The following EYA4 variants were observed in gnomAD, a reference collection of about 807,000 sequenced individuals.
The protein encoded by EYA4 is EYA transcriptional coactivator and phosphatase 4.
A neutral mutation model predicts 87.9 loss-of-function variants in EYA4; 31 were observed. The observed-to-expected ratio is 0.35, with a 90% CI of 0.27 to 0.48. The LOEUF (loss-of-function observed/expected upper bound fraction) is 0.48, where lower values mean the gene tolerates loss of function less well. Among genes scored for constraint, EYA4 ranks in the 20% least tolerant of loss-of-function variants. EYA4 has a pLI of 0.99. For synonymous variants in EYA4, 263 were observed against 270.6 expected (o/e 0.97, Z 0.28); for missense variants, 678 against 761.4 (o/e 0.89, Z 1.29).
chr6:133,268,916 C>T (rs758751816), intron 1 of EYA4, among the ~76,000 whole-genome samples: 7 of 152,076 alleles, frequency 4.6e-5, no homozygotes, highest in Non-Finnish European at 8.8e-5. Context: ...AACACAAAAA[C>T]ACCACCGTAA....
intron 1 of EYA4, among the ~76,000 whole-genome samples, chr6:133,251,036 G>A (rs770394060): frequency 2.1e-4 from 32 of 152,176 alleles, no homozygotes; most frequent in Non-Finnish European, 4.6e-4. Context: ...ATCTGAGGTT[G>A]TATTTGGAGC....
At chr6:133,408,401 A>T (rs1788915216) in intron 3 of EYA4, among the ~76,000 whole-genome samples, 1 of 152,190 alleles carries the variant, frequency 6.6e-6, no homozygotes, top group Non-Finnish European at 1.5e-5. Flanking sequence ...TGAATGATTT[A>T]TGTAGAGGTT....
intron 3 of EYA4, among the ~76,000 whole-genome samples, chr6:133,420,585 G>A (rs542499931): frequency 1.3e-5 from 2 of 152,330 alleles, no homozygotes; most frequent in East Asian, 3.9e-4. Flanking sequence ...TAGACTTAAA[G>A]TAAGACTCTG....
chr6:133,268,842 C>G (rs1776445985), intron 1 of EYA4, among the ~76,000 whole-genome samples: 1 of 151,524 alleles, frequency 6.6e-6, no homozygotes. Context: ...GGCGTGTGAG[C>G]TAAGAGGCAA....
At chr6:133,394,282 G>GTATTTTTTTTTTTTTTTTTTTTTT (rs1562368948) in intron 3 of EYA4, among the ~76,000 whole-genome samples, 1 of 107,846 alleles carries the variant, frequency 9.3e-6, no homozygotes, top group African/African-American at 4.8e-5. Context: ...ATATAAGCTT[G>GTATTTTTTTTTTTTTTTTTTTTTT]TGTTTTTTTT....
At position 133,394,300 on chromosome 6, in the gene EYA4, T is replaced by A. The variant is rs1349498821; in HGVS notation, c.83+11859T>A. On this transcript the variant is annotated intron_variant, in intron 3 of 19. Coordinates refer to ENST00000355286, the MANE Select transcript of EYA4 (RefSeq NM_004100.5). ...TAAGCTTGTGTTTTTTTTTTTTTTT[T>A]TTTTTTTTTTTTTTTTTTGGTCATC... 8.8e-3 allele frequency among the ~76,000 whole-genome samples: 1,259 copies of A among 143,448 alleles called. 46 individuals are homozygous for A. Among genetic ancestry groups the A allele is most frequent in the African/African-American group, 0.031 (1,167 of 37,922 alleles). 94.1% of individuals were successfully genotyped at this position (143,448 alleles called of 152,430 possible).
chr6:133,445,906 A>C (rs1792786080), intron 3 of EYA4, among the ~76,000 whole-genome samples: 1 of 152,174 alleles, frequency 6.6e-6, no homozygotes, highest in Non-Finnish European at 1.5e-5. Flanking sequence ...AAAGATGGTC[A>C]GCCCTTCAAG....
At chr6:133,503,040 C>T (rs183402845) in intron 13 of EYA4, among the ~76,000 whole-genome samples, 177 of 152,282 alleles carry the variant, frequency 1.2e-3, no homozygotes, top group Admixed American at 1.8e-3. Flanking sequence ...CTCCCAGTGC[C>T]GTGGGGTTGC....
In EYA4 at chr6:133,523,109, C is replaced by T. The variant is rs933456827; in HGVS notation, c.1670C>T (p.Ala557Val). 4.3e-6 allele frequency: 7 copies of T among 1,611,870 alleles called. No homozygotes were observed. Among genetic ancestry groups the T allele is most frequent in the East Asian group, 2.2e-5 (1 of 44,830 alleles). Residue 557 changes from alanine to valine, a missense_variant, in exon 18 of 20, where the codon GCG (alanine) becomes GTG (valine). By Grantham distance (64) the Ala-to-Val change is moderately conservative. Coordinates refer to ENST00000355286, the MANE Select transcript of EYA4 (RefSeq NM_004100.5). ...ACAACTCAACTGATCCCAGCACTTG[C>T]GAAGGTTCTACTCTATAGTTTAGGA... Reference protein sequence around the residue: ...VTTTQLIPALAKVLLYSLGGA... With the variant: ...VTTTQLIPALVKVLLYSLGGA...
At chr6:133,303,131 G>T (rs1284547472) in intron 2 of EYA4, among the ~76,000 whole-genome samples, 2 of 152,122 alleles carry the variant, frequency 1.3e-5, no homozygotes, top group East Asian at 3.8e-4. Flanking sequence ...ACTTGTTCTT[G>T]ATTCTTAATT....
chr6:133,382,489 C>T (rs371457385), intron 3 of EYA4, 48 bp downstream of exon 3: 245 of 1,248,530 alleles, frequency 2.0e-4, no homozygotes, highest in Non-Finnish European at 2.8e-4. Flanking sequence ...ATTGCAGTTT[C>T]GGAGCACTAG....
chr6:133,248,780 C>A (rs997235096), intron 1 of EYA4: 3 of 152,112 alleles, frequency 2.0e-5, no homozygotes, highest in African/African-American at 7.2e-5. Context: ...TGCAGGTTTT[C>A]CAGTAATCTA....
chr6:133,344,528 G>C (rs898110105), intron 2 of EYA4, among the ~76,000 whole-genome samples: 19 of 152,058 alleles, frequency 1.2e-4, no homozygotes, highest in African/African-American at 4.3e-4. Context: ...ATTTGATATG[G>C]TCCATTTATA....
chr6:133,294,060 T>TATATATATATATAG (rs1562257741), intron 2 of EYA4, among the ~76,000 whole-genome samples: 1 of 94,910 alleles, frequency 1.1e-5, no homozygotes, highest in Non-Finnish European at 2.4e-5. Flanking sequence ...TATATATATA[T>TATATATATATATAG]ATAATTCTAT....
chr6:133,439,157 G>GA (rs1562421986), intron 3 of EYA4, among the ~76,000 whole-genome samples: 1 of 151,844 alleles, frequency 6.6e-6, no homozygotes, highest in Non-Finnish European at 1.5e-5. Context: ...CTGTTATCGG[G>GA]ATGTGCTACA....
chr6:133,271,163 G>A (rs761994918), intron 1 of EYA4, among the ~76,000 whole-genome samples: 2 of 152,116 alleles, frequency 1.3e-5, no homozygotes, highest in African/African-American at 4.8e-5. Context: ...GAGAGACAGT[G>A]CCATATATTG....
At chr6:133,375,496 A>G (rs1344784156) in intron 2 of EYA4, among the ~76,000 whole-genome samples, 1 of 151,810 alleles carries the variant, frequency 6.6e-6, no homozygotes, top group African/African-American at 2.4e-5. Flanking sequence ...ATGTTCCTTC[A>G]TACATTCCTG....
At chr6:133,376,266 G>A (rs1323138886) in intron 2 of EYA4, among the ~76,000 whole-genome samples, 2 of 151,612 alleles carry the variant, frequency 1.3e-5, no homozygotes, top group East Asian at 1.9e-4. Context: ...ACACAGTTCA[G>A]TGAAGAAGTA....
At chr6:133,525,899 G>T in intron 19 of EYA4, 1 of 985,240 alleles carries the variant, frequency 1.0e-6, no homozygotes, top group Non-Finnish European at 1.2e-6. Context: ...TGTCTTAGCC[G>T]TAATGTGCCT....
Sources: allele counts gnomAD v4.1 joint callset (sites outside exome capture counted in the v4.1 genomes callset), GRCh38; gene constraint gnomAD v4.1.1; transcripts MANE v1.5; gene names NCBI Gene and HGNC (gene_info 2026-07-23, HGNC 2026-07-21).